The following CSE1L variants were observed in gnomAD, a reference collection of about 807,000 sequenced individuals.
CSE1L encodes chromosome segregation 1 like, also known as exportin-2.
A neutral mutation model predicts 120.4 loss-of-function variants in CSE1L; 24 were observed. That is an observed-to-expected ratio of 0.20 (90% CI 0.14 to 0.28). CSE1L has a LOEUF of 0.28. CSE1L is among the 10% of genes least tolerant of loss of function. The pLI is 1.00. For missense variants in CSE1L, 830 were observed against 1,145.2 expected, an observed-to-expected ratio of 0.72 and a Z score of 3.97; for synonymous variants, 402 against 398.3, an observed-to-expected ratio of 1.01 and a Z score of -0.11.
At chr20:49,092,411 A>G (rs759641486) in intron 22 of CSE1L, among the ~76,000 whole-genome samples, 2 of 152,008 alleles carry the variant, frequency 1.3e-5, no homozygotes. Context: ...ATCTCAAAAA[A>G]AGAAAAAACA....
At chr20:49,074,703 T>C (rs2091957691) in intron 10 of CSE1L, 82 bp from the exon 11 acceptor site, 2 of 1,154,112 alleles carry the variant, frequency 1.7e-6, no homozygotes, top group Admixed American at 2.4e-5. Flanking sequence ...CAAGGCAGTT[T>C]TACATACTCT....
chr20:49,082,711 C>T (rs1344963579), intron 14 of CSE1L, among the ~76,000 whole-genome samples: 1 of 151,676 alleles, frequency 6.6e-6, no homozygotes, highest in Non-Finnish European at 1.5e-5. Context: ...TTAGTAGAGA[C>T]GGGGTTTCAC....
intron 14 of CSE1L, among the ~76,000 whole-genome samples, chr20:49,082,875 A>G (rs949104572): frequency 2.6e-5 from 4 of 152,062 alleles, no homozygotes; most frequent in Non-Finnish European, 5.9e-5. Context: ...GCTGGAGTGC[A>G]GTGGTGCGAT....
rs1218780106 is a variant in CSE1L, at chr20:49,066,312, T to C, written c.330+19T>C. The C allele has an allele frequency of 6.2e-7, 1 of 1,614,134 alleles. No homozygotes were observed. Among genetic ancestry groups the C allele is most frequent in the Admixed American group, 1.7e-5 (1 of 60,002 alleles). On this transcript the variant is annotated intron_variant, in intron 4 of 24. Transcript: ENST00000262982. ...GAAGCAGGTAATGTCGCTCCACTTT[T>C]TAGATGGGCTCCTCTGTAAAGCTCT...
intron 1 of CSE1L, among the ~76,000 whole-genome samples, chr20:49,056,168 A>G (rs1174703380): frequency 6.6e-6 from 1 of 151,282 alleles, no homozygotes; most frequent in Non-Finnish European, 1.5e-5. Flanking sequence ...GTGCAGTGGC[A>G]CAATCTTGGT....
intron 14 of CSE1L, among the ~76,000 whole-genome samples, chr20:49,079,383 C>G (rs995988191): frequency 1.3e-5 from 2 of 151,844 alleles, no homozygotes; most frequent in Admixed American, 1.3e-4. Flanking sequence ...TCTGCCACCA[C>G]GCCTGGCTGA....
chr20:49,071,615 G>T (rs1048323814), intron 8 of CSE1L, among the ~76,000 whole-genome samples: 1 of 152,098 alleles, frequency 6.6e-6, no homozygotes. Flanking sequence ...CTCCCAAGTA[G>T]CAGGGACTAT....
intron 10 of CSE1L, among the ~76,000 whole-genome samples, chr20:49,074,217 G>A (rs1378899943): frequency 5.3e-5 from 3 of 56,444 alleles, no homozygotes; most frequent in African/African-American, 2.7e-4. Flanking sequence ...GTGTGTGTGT[G>A]TAGACTTTTT....
intron 13 of CSE1L, 134 bp from the exon 14 acceptor site, chr20:49,078,427 T>G (rs2091985455): frequency 5.1e-6 from 3 of 593,780 alleles, no homozygotes; most frequent in Non-Finnish European, 8.5e-6. Flanking sequence ...GACTAAATAG[T>G]AAATCATAAT....
chr20:49,078,621 A>G lies in CSE1L; in HGVS notation c.1481A>G (p.Gln494Arg). ...GIKYIMIFRN[Q>R]VPKEHLLVSI... ...AAATATATTATGATTTTTAGAAATC[A>G]AGTAAGTAGCTTTTTATTTGTTACA... is the stretch of plus-strand genomic sequence containing the variant. Residue 494 changes from glutamine (Q) to arginine (R), a missense_variant and splice_region_variant, in exon 14 of 25, where the codon CAA (glutamine) becomes CGA (arginine). Physicochemically the swap from Gln to Arg is conservative, Grantham distance 43. Coordinates refer to ENST00000262982, the MANE Select transcript of CSE1L (RefSeq NM_001316.4). 6.4e-7 allele frequency: 1 copy of G among 1,554,612 alleles called. No homozygotes were observed. Among genetic ancestry groups the G allele is most frequent in the Non-Finnish European group, 8.7e-7 (1 of 1,144,248 alleles).
chr20:49,078,564 A>T lies in CSE1L; in HGVS notation c.1424A>T (p.Asn475Ile), dbSNP rs748277435. 6.4e-7 allele frequency: 1 copy of T among 1,571,448 alleles called. No individual in the cohort carries two copies. The highest frequency in any genetic ancestry group is 2.3e-5 in the East Asian group (1 of 43,892). The change falls in exon 14 of 25, where the codon AAT becomes ATT. Residue 475 changes from asparagine (N) to isoleucine (I), a missense_variant. Around this residue, in one of 4 missense-constraint regions of CSE1L, gnomAD observed 543 missense variants for 640.2 expected, o/e 0.85. Coordinates refer to ENST00000262982, the MANE Select transcript of CSE1L (RefSeq NM_001316.4). ...ILPDLKSANV[N>I]EFPVLKADGI... ...GGCTTTCTGTTTTTTTATATAGTGA[A>T]TGAATTTCCTGTCCTTAAAGCTGAC...
chr20:49,090,769 C>G lies in CSE1L; in HGVS notation c.2209C>G (p.Leu737Val). Residue 737 changes from leucine to valine, a missense_variant, in exon 20 of 25, where the codon CTG (leucine) becomes GTG (valine). Transcript: ENST00000262982. Reference sequence around the variant, plus strand: ...TGGGTTACTAGGTGTCTTTCAGAAGCTGATTGCATCCAAAGCAAATGACCA... The same window carrying G: ...TGGGTTACTAGGTGTCTTTCAGAAGGTGATTGCATCCAAAGCAAATGACCA... ...IPGLLGVFQK[L>V]IASKANDHQG... 6.2e-7 allele frequency: 1 copy of G among 1,613,950 alleles called. No homozygotes were observed. Among genetic ancestry groups the G allele is most frequent in the Non-Finnish European group, 8.5e-7 (1 of 1,179,914 alleles).
intron 5 of CSE1L, 150 bp downstream of exon 5, chr20:49,066,660 T>C: frequency 1.4e-6 from 1 of 700,178 alleles, no homozygotes; most frequent in Non-Finnish European, 2.3e-6. Flanking sequence ...TTGTTTCTTC[T>C]CAACTAGGAT....
At chr20:49,088,995 G>C (rs995486660) in intron 17 of CSE1L, among the ~76,000 whole-genome samples, 1 of 152,030 alleles carries the variant, frequency 6.6e-6, no homozygotes, top group South Asian at 2.1e-4. Context: ...GCGAGGGCAC[G>C]TGGGCTTAAG....
intron 17 of CSE1L, 124 bp downstream of exon 17, chr20:49,088,230 C>T: frequency 1.5e-6 from 1 of 678,668 alleles, no homozygotes; most frequent in Non-Finnish European, 2.5e-6. Flanking sequence ...TGACCAGCCA[C>T]TAATGGACTT....
At chr20:49,087,503 G>T (rs188142846) in intron 16 of CSE1L, among the ~76,000 whole-genome samples, 1 of 151,800 alleles carries the variant, frequency 6.6e-6, no homozygotes, top group African/African-American at 2.4e-5. Flanking sequence ...GACTACAGAC[G>T]TGCACCACAT....
intron 23 of CSE1L, 41 bp from the exon 24 acceptor site, chr20:49,094,691 A>AT: frequency 7.1e-7 from 1 of 1,411,460 alleles, no homozygotes; most frequent in Non-Finnish European, 1.0e-6. Context: ...TCTTCCGAGT[A>AT]TTTTCTTGAC....
intron 1 of CSE1L, among the ~76,000 whole-genome samples, chr20:49,048,146 C>CT (rs34878925): frequency 0.11 from 14,421 of 128,656 alleles, 1,235 homozygotes; most frequent in African/African-American, 0.23. Flanking sequence ...GTGTCTCTCT[C>CT]TTTTTTTTTT....
At chr20:49,078,433 A>G (rs1568779038) in intron 13 of CSE1L, 128 bp from the exon 14 acceptor site, 12 of 620,974 alleles carry the variant, frequency 1.9e-5, no homozygotes, top group Admixed American at 3.6e-5. Context: ...ATAGTAAATC[A>G]TAATATAATT....
Sources: allele counts gnomAD v4.1 joint callset (sites outside exome capture counted in the v4.1 genomes callset), GRCh38; gene constraint gnomAD v4.1.1; regional missense constraint gnomAD v4.1.1; transcripts MANE v1.5; gene names NCBI Gene and HGNC (gene_info 2026-07-23, HGNC 2026-07-21).